Variants in SARDH observed in about 807,000 individuals in gnomAD.
The protein encoded by SARDH is sarcosine dehydrogenase, mitochondrial.
A neutral mutation model predicts 109.1 loss-of-function variants in SARDH; 95 were observed. That is an observed-to-expected ratio of 0.87 (90% CI 0.74 to 1.03). SARDH has a LOEUF of 1.03. SARDH is among the 50% of genes least tolerant of loss of function. The pLI is 0.00. For missense variants in SARDH, 1,267 were observed against 1,287.8 expected (o/e 0.98, Z 0.25); for synonymous variants, 572 against 534.8 (o/e 1.07, Z -0.96).
At chr9:133,677,670 C>A (rs1291093280) in intron 17 of SARDH, among the ~76,000 whole-genome samples, 1 of 152,230 alleles carries the variant, frequency 6.6e-6, no homozygotes, top group African/African-American at 2.4e-5. Context: ...GTGGACCCTG[C>A]TGGGAACAGA....
intron 13 of SARDH, among the ~76,000 whole-genome samples, chr9:133,700,618 A>G (rs997530567): frequency 6.6e-6 from 1 of 152,192 alleles, no homozygotes; most frequent in Non-Finnish European, 1.5e-5. Context: ...TGATGGTTGT[A>G]CAATCCCGTG....
chr9:133,731,416 C>T lies in SARDH; in HGVS notation c.579G>A (p.Leu193=). The T allele has an allele frequency of 6.2e-7, 1 of 1,614,214 alleles. No individual in the cohort carries two copies. Among genetic ancestry groups the T allele is most frequent in the East Asian group, 2.2e-5 (1 of 44,878 alleles). Reference sequence around the variant, plus strand: ...TCCCGTAGAGGTCGTCCACATTCATCAGCGGGTACAGAGTCTTGGTCTCTG... The same window carrying T: ...TCCCGTAGAGGTCGTCCACATTCATTAGCGGGTACAGAGTCTTGGTCTCTG... The part of the protein sequence containing the change: ...SPAETKTLYP[L]MNVDDLYGTL... The change falls in exon 4 of 21, where the codon CTG becomes CTA. Residue 193 remains leucine (L), a synonymous_variant. Transcript: ENST00000439388.
At position 133,665,738 on chromosome 9, in the gene SARDH, G is replaced by A. The variant is rs569499979; in HGVS notation, c.2631+997C>T. On this transcript the variant is annotated intron_variant, in intron 20 of 20. Transcript: ENST00000439388. ...CCTCCCCATTGGGCCTGCGAGCTGG[G>A]CCTGCGCATGTTCTGCAGCTCTTGC... Among the ~76,000 whole-genome samples the A allele has an allele frequency of 9.8e-5, 15 of 152,294 alleles. No individual in the cohort carries two copies. In the East Asian group the frequency reaches 2.7e-3, roughly 28 times the overall value.
At chr9:133,701,144 T>A (rs900700996) in intron 13 of SARDH, among the ~76,000 whole-genome samples, 6 of 152,248 alleles carry the variant, frequency 3.9e-5, no homozygotes, top group African/African-American at 1.4e-4. Context: ...GTCAGGCAGA[T>A]CCCTGCCCAG....
intron 15 of SARDH, among the ~76,000 whole-genome samples, chr9:133,691,215 C>CACACAT (rs1554750406): frequency 3.4e-5 from 5 of 145,454 alleles, no homozygotes; most frequent in Non-Finnish European, 6.0e-5. Context: ...CACACACACA[C>CACACAT]GGCCACTCTC....
At chr9:133,701,943 G>C (rs933961990) in intron 13 of SARDH, among the ~76,000 whole-genome samples, 2 of 152,198 alleles carry the variant, frequency 1.3e-5, no homozygotes, top group Non-Finnish European at 2.9e-5. Flanking sequence ...GAACCCAAGC[G>C]GGGCCCTTCA....
intron 19 of SARDH, among the ~76,000 whole-genome samples, chr9:133,667,362 C>A (rs1830112895): frequency 6.6e-6 from 1 of 151,936 alleles, no homozygotes; most frequent in Non-Finnish European, 1.5e-5. Flanking sequence ...GATGGGGTTT[C>A]ATCATGTTGG....
chr9:133,697,939 AAAG>A (rs1353952096), intron 13 of SARDH, among the ~76,000 whole-genome samples: 1 of 151,858 alleles, frequency 6.6e-6, no homozygotes, highest in Non-Finnish European at 1.5e-5. Flanking sequence ...CCAGATCAGA[AAAG>A]AAGAAATAAA....
intron 17 of SARDH, among the ~76,000 whole-genome samples, chr9:133,677,594 C>T (rs180886762): frequency 6.6e-6 from 1 of 152,346 alleles, no homozygotes; most frequent in Non-Finnish European, 1.5e-5. Context: ...CCTGGAGTGA[C>T]ATGTCTGTTA....
chr9:133,720,486 T>C (rs1381069726), intron 6 of SARDH, among the ~76,000 whole-genome samples: 1 of 152,268 alleles, frequency 6.6e-6, no homozygotes, highest in Middle Eastern at 3.4e-3. Flanking sequence ...AGATGGTGTA[T>C]TAGTGTGTTC....
At chr9:133,726,531 A>G (rs1419470770) in intron 6 of SARDH, among the ~76,000 whole-genome samples, 1 of 152,092 alleles carries the variant, frequency 6.6e-6, no homozygotes, top group African/African-American at 2.4e-5. Flanking sequence ...TGTTTGTCCC[A>G]GCAGGATCCA....
intron 8 of SARDH, among the ~76,000 whole-genome samples, chr9:133,715,711 C>T (rs1017441929): frequency 1.3e-5 from 2 of 152,170 alleles, no homozygotes; most frequent in Non-Finnish European, 2.9e-5. Flanking sequence ...GGGCTCCCCG[C>T]TTTGTGCCGC....
In SARDH at chr9:133,718,669, CT is replaced by C; in HGVS notation, c.1020+268del. On this transcript the variant is annotated intron_variant, in intron 7 of 20. Transcript: ENST00000439388. This position sits in a 1 kb window ranked among gnomAD's most constrained non-coding sequence, Gnocchi z 4.2. ...AGGACTTGTGTGCTCTCATGCCCTT[CT>C]GAGGTCATCACTCCACACTGCGCAG... 1 of 779,608 alleles carries C rather than the reference CT, an allele frequency of 1.3e-6. No individual in the cohort carries two copies. The highest frequency in any genetic ancestry group is 2.4e-6 in the Non-Finnish European group (1 of 417,986). 48.3% of individuals were successfully genotyped at this position (779,608 alleles called of 1,614,324 possible).
intron 17 of SARDH, among the ~76,000 whole-genome samples, chr9:133,679,136 G>C (rs129891): frequency 3.3e-5 from 5 of 151,996 alleles, no homozygotes; most frequent in African/African-American, 1.2e-4. Context: ...TCACACTATC[G>C]TGGCAACAGC....
intron 13 of SARDH, among the ~76,000 whole-genome samples, chr9:133,698,695 C>A (rs1396925628): frequency 1.3e-5 from 2 of 152,170 alleles, no homozygotes; most frequent in Admixed American, 1.3e-4. Flanking sequence ...TTTTCAACAA[C>A]TGGTGCTGGG....
Position 133,692,190 on chromosome 9 carries a change from C to T in SARDH, c.1922-1663G>A, listed in dbSNP as rs1831123562. On this transcript the variant is annotated intron_variant, in intron 15 of 20. Transcript: ENST00000439388. The surrounding 1 kb of genome is among the most constrained non-coding windows in gnomAD (Gnocchi z 5.0). Reference sequence around the variant, plus strand: ...CCCGGGAGGCGCGTCTTCCTCACTCCATTCCACCAATGGGGGAAACTGAGG... The same window carrying T: ...CCCGGGAGGCGCGTCTTCCTCACTCTATTCCACCAATGGGGGAAACTGAGG... 6.6e-6 allele frequency among the ~76,000 whole-genome samples: 1 copy of T among 152,164 alleles called. No individual in the cohort carries two copies. The highest frequency in any genetic ancestry group is 1.5e-5 in the Non-Finnish European group (1 of 68,026).
At chr9:133,690,600 G>T (rs1831057388) in intron 15 of SARDH, 73 bp from the exon 16 acceptor site, 1 of 1,529,594 alleles carries the variant, frequency 6.5e-7, no homozygotes, top group African/African-American at 1.4e-5. Flanking sequence ...GGTGGCCCAA[G>T]GGTCTCCCGG....
intron 6 of SARDH, among the ~76,000 whole-genome samples, chr9:133,722,138 C>CCAAAG (rs1832346114): frequency 6.6e-6 from 1 of 151,566 alleles, no homozygotes; most frequent in Admixed American, 6.6e-5. Flanking sequence ...CAAAACAAAA[C>CCAAAG]AAAACACCAT....
rs1830886927 is a variant in SARDH at position 133,686,408 on chromosome 9, C to T, written c.2070-1122G>A. Among the ~76,000 whole-genome samples, 1 of 152,094 alleles carries T rather than the reference C, an allele frequency of 6.6e-6. No individual in the cohort carries two copies. Among genetic ancestry groups the T allele is most frequent in the South Asian group, 2.1e-4 (1 of 4,818 alleles). On this transcript the variant is annotated intron_variant, in intron 16 of 20. Transcript: ENST00000439388. The surrounding 1 kb of genome is among the most constrained non-coding windows in gnomAD (Gnocchi z 4.0). ...CTTTGTCATCCTTCAGCTCTTGGCT[C>T]AGCTGTCACCTCCCCCAGGAAGCCC...
Sources: gnomAD v4.1 joint callset for allele counts (sites outside exome capture counted in the v4.1 genomes callset) on GRCh38, gnomAD v4.1.1 for gene constraint, Gnocchi (gnomAD v3.1) non-coding constraint, MANE v1.5 for transcripts, NCBI Gene and HGNC (gene_info 2026-07-23, HGNC 2026-07-21) for gene names.